Variants in SGCZ observed in about 807,000 individuals in gnomAD.
The protein encoded by SGCZ is zeta-sarcoglycan.
Under a neutral mutation model 41.3 loss-of-function variants are expected in SGCZ, and 40 were observed. That is an observed-to-expected ratio of 0.97 (90% CI 0.75 to 1.26). The LOEUF (loss-of-function observed/expected upper bound fraction) is 1.26, where lower values mean the gene tolerates loss of function less well. Ranked by LOEUF, SGCZ falls within the 50% of genes most tolerant of loss-of-function variation. The pLI is 0.00. For synonymous variants in SGCZ, 206 were observed against 137.5 expected (o/e 1.50, Z -3.49); for missense variants, 552 against 369.8 (o/e 1.49, Z -4.04).
chr8:14,328,233 G>T (rs1563260028), intron 2 of SGCZ, among the ~76,000 whole-genome samples: 2 of 152,220 alleles, frequency 1.3e-5, no homozygotes, highest in East Asian at 1.9e-4. Context: ...TTTTCCTTCT[G>T]CAAGAGCATT....
At chr8:14,578,425 G>C (rs1049995762) in intron 1 of SGCZ, among the ~76,000 whole-genome samples, 8 of 152,124 alleles carry the variant, frequency 5.3e-5, no homozygotes, top group African/African-American at 1.7e-4. Flanking sequence ...CATGCTCCCT[G>C]GGTTTGGTTC....
chr8:14,810,200 T>A (rs1199327498), intron 1 of SGCZ, among the ~76,000 whole-genome samples: 2 of 152,184 alleles, frequency 1.3e-5, no homozygotes, highest in East Asian at 3.9e-4. Flanking sequence ...ATACTTAATA[T>A]AATTAGCAGA....
chr8:14,219,994 A>T (rs1380708714), intron 4 of SGCZ, among the ~76,000 whole-genome samples: 1 of 152,196 alleles, frequency 6.6e-6, no homozygotes, highest in Non-Finnish European at 1.5e-5. Context: ...GTTGATTGTA[A>T]TGGTTCTCAT....
intron 4 of SGCZ, among the ~76,000 whole-genome samples, chr8:14,216,761 A>G (rs1806007016): frequency 6.6e-6 from 1 of 152,190 alleles, no homozygotes; most frequent in South Asian, 2.1e-4. Context: ...TACACCTGTC[A>G]TCAGAATGGT....
At chr8:15,122,663 T>C (rs1367436684) in intron 1 of SGCZ, among the ~76,000 whole-genome samples, 1 of 152,208 alleles carries the variant, frequency 6.6e-6, no homozygotes, top group African/African-American at 2.4e-5. Flanking sequence ...ATTGATGTTA[T>C]CTAATTTAAC....
intron 1 of SGCZ, among the ~76,000 whole-genome samples, chr8:15,133,574 C>CAG (rs1330922847): frequency 3.9e-5 from 6 of 152,182 alleles, no homozygotes; most frequent in Non-Finnish European, 8.8e-5. Flanking sequence ...ATACTGTAGT[C>CAG]AGATTCATTT....
intron 3 of SGCZ, among the ~76,000 whole-genome samples, chr8:14,287,066 T>C (rs1013152520): frequency 3.9e-5 from 6 of 152,016 alleles, no homozygotes; most frequent in African/African-American, 1.4e-4. Flanking sequence ...ATAGAGTATT[T>C]ATGCTTTCTT....
chr8:14,236,489 C>G (rs1382086418), intron 4 of SGCZ, among the ~76,000 whole-genome samples: 1 of 151,776 alleles, frequency 6.6e-6, no homozygotes, highest in Admixed American at 6.6e-5. Context: ...AATCAAAATT[C>G]ATGTTTCTAA....
At chr8:15,131,897 A>G (rs1807920940) in intron 1 of SGCZ, among the ~76,000 whole-genome samples, 1 of 152,200 alleles carries the variant, frequency 6.6e-6, no homozygotes, top group African/African-American at 2.4e-5. Context: ...CATCTTTCCT[A>G]TTTCATGATA....
In SGCZ at chr8:14,642,292, TTC is replaced by T. The variant is rs370221214; in HGVS notation, c.40-87368_40-87367del. Among the ~76,000 whole-genome samples, 636 of 151,744 alleles carry T rather than the reference TTC, an allele frequency of 4.2e-3. 7 individuals are homozygous for T. Among genetic ancestry groups the T allele is most frequent in the African/African-American group, 0.015 (616 of 41,470 alleles). ...ACAATATCATTATTATTTCTATTAG[TTC>T]TGTTTCTATAGCTGTTATAAAATTA... On this transcript the variant is annotated intron_variant, in intron 1 of 7. Transcript: ENST00000382080.
intron 1 of SGCZ, among the ~76,000 whole-genome samples, chr8:14,723,561 C>T (rs1809957853): frequency 6.6e-6 from 1 of 152,074 alleles, no homozygotes; most frequent in Non-Finnish European, 1.5e-5. Context: ...TCAGGGCACC[C>T]CTCTCCCATT....
chr8:14,348,283 G>A (rs1438126250), intron 2 of SGCZ, among the ~76,000 whole-genome samples: 2 of 152,076 alleles, frequency 1.3e-5, no homozygotes, highest in African/African-American at 2.4e-5. Context: ...ATTTGAGATG[G>A]TTTCTTTGCA....
chr8:14,992,647 T>G (rs1274136063), intron 1 of SGCZ, among the ~76,000 whole-genome samples: 1 of 121,258 alleles, frequency 8.2e-6, no homozygotes, highest in African/African-American at 3.3e-5. Context: ...CCCCCACCCA[T>G]CCTCCTCGTT....
chr8:15,125,645 T>C (rs1473906663), intron 1 of SGCZ, among the ~76,000 whole-genome samples: 1 of 152,212 alleles, frequency 6.6e-6, no homozygotes, highest in African/African-American at 2.4e-5. Context: ...TCTCAATGAT[T>C]AGATAGAATA....
intron 3 of SGCZ, 113 bp from the exon 4 acceptor site, chr8:14,237,792 A>T (rs1043351052): frequency 2.3e-6 from 2 of 867,972 alleles, no homozygotes; most frequent in Non-Finnish European, 3.5e-6. Context: ...TTTGCTCTAT[A>T]TTAGACAGTT....
At chr8:14,530,683 T>G (rs912936093) in intron 2 of SGCZ, among the ~76,000 whole-genome samples, 31 of 5,308 alleles carry the variant, frequency 5.8e-3, no homozygotes, top group African/African-American at 0.022. Flanking sequence ...TAAAATATTT[T>G]TATCAAGAAT....
chr8:14,456,775 C>T (rs147075302), intron 2 of SGCZ, among the ~76,000 whole-genome samples: 1 of 152,128 alleles, frequency 6.6e-6, no homozygotes, highest in Non-Finnish European at 1.5e-5. Flanking sequence ...GGAGGTAGGA[C>T]CTGTTGGGAG....
At chr8:14,211,219 G>T (rs1805795297) in intron 4 of SGCZ, among the ~76,000 whole-genome samples, 1 of 152,146 alleles carries the variant, frequency 6.6e-6, no homozygotes, top group South Asian at 2.1e-4. Flanking sequence ...TTTGCTTGCA[G>T]GACTCCTGTG....
At chr8:15,140,282 C>G (rs1219170482) in intron 1 of SGCZ, among the ~76,000 whole-genome samples, 1 of 152,120 alleles carries the variant, frequency 6.6e-6, no homozygotes, top group African/African-American at 2.4e-5. Flanking sequence ...ACATTGGCCT[C>G]CCAAAGTGCT....
Sources: gnomAD v4.1 joint callset for allele counts (sites outside exome capture counted in the v4.1 genomes callset) on GRCh38, gnomAD v4.1.1 for gene constraint, MANE v1.5 for transcripts, NCBI Gene and HGNC (gene_info 2026-07-23, HGNC 2026-07-21) for gene names.